The following KYNU variants were observed in gnomAD, a reference collection of about 807,000 sequenced individuals.
KYNU encodes the protein L-kynurenine hydrolase.
KYNU carries 54 observed loss-of-function variants against 59.2 expected under a neutral mutation model. The ratio of observed to expected loss-of-function variants is 0.91; its 90% CI spans 0.73 to 1.14. KYNU has a LOEUF of 1.14. Ranked by LOEUF, KYNU falls within the 50% of genes most tolerant of loss-of-function variation. The pLI is 0.00. For synonymous variants in KYNU, 177 were observed against 192.0 expected (o/e 0.92, Z 0.65); for missense variants, 567 against 554.4 (o/e 1.02, Z -0.23).
rs1258696656 is a variant in KYNU, at chr2:143,042,188, C to T, written c.*16C>T. ...AAAAAATTAGCAGTGTTTTCTAGAA[C>T]AACTTAAGCAAATTATACTGAAAGC... On this transcript the variant is annotated 3_prime_UTR_variant, in exon 14 of 14. Transcript: ENST00000264170. 2 of 1,605,178 alleles carry T rather than the reference C, an allele frequency of 1.2e-6. No individual in the cohort carries two copies. The highest frequency in any genetic ancestry group is 1.7e-6 in the Non-Finnish European group (2 of 1,176,412).
intron 10 of KYNU, among the ~76,000 whole-genome samples, chr2:143,023,181 T>C (rs1448088131): frequency 6.6e-6 from 1 of 151,932 alleles, no homozygotes; most frequent in Non-Finnish European, 1.5e-5. Flanking sequence ...AAATCATTCT[T>C]ATAAAGGAAA....
chr2:142,878,126 A>C (rs1382454313), intron 1 of KYNU, among the ~76,000 whole-genome samples: 1 of 152,142 alleles, frequency 6.6e-6, no homozygotes, highest in African/African-American at 2.4e-5. Context: ...TGGTAACTTT[A>C]ATTGTCTTAT....
intron 11 of KYNU, among the ~76,000 whole-genome samples, chr2:143,032,011 C>G (rs1458286415): frequency 1.3e-5 from 2 of 152,068 alleles, no homozygotes; most frequent in East Asian, 3.9e-4. Flanking sequence ...GGCGTGGTGG[C>G]TCACGCCTGT....
intron 7 of KYNU, 22 bp downstream of exon 7, chr2:142,957,737 A>G (rs776957703): frequency 3.3e-5 from 47 of 1,412,714 alleles, no homozygotes; most frequent in Admixed American, 1.7e-5. Context: ...AGAAAGAAAT[A>G]TTTGTCATGC....
intron 2 of KYNU, among the ~76,000 whole-genome samples, chr2:142,905,342 G>A (rs1682255231): frequency 2.0e-5 from 3 of 152,182 alleles, no homozygotes; most frequent in South Asian, 4.1e-4. Flanking sequence ...ACAGACCAAC[G>A]ATTAGGGAAT....
At chr2:142,979,045 T>C (rs898632142) in intron 8 of KYNU, among the ~76,000 whole-genome samples, 3 of 152,096 alleles carry the variant, frequency 2.0e-5, no homozygotes, top group African/African-American at 7.2e-5. Flanking sequence ...TGAGCTAGCT[T>C]TTCTCCTGGA....
At chr2:142,940,898 C>T (rs1328097014) in intron 4 of KYNU, among the ~76,000 whole-genome samples, 1 of 152,164 alleles carries the variant, frequency 6.6e-6, no homozygotes, top group Non-Finnish European at 1.5e-5. Context: ...TTTCACTTTA[C>T]TTTATGTTTG....
chr2:143,002,333 G>C (rs965765448), intron 10 of KYNU, among the ~76,000 whole-genome samples: 10 of 152,120 alleles, frequency 6.6e-5, no homozygotes, highest in Non-Finnish European at 1.0e-4. Flanking sequence ...CCAATGTCTT[G>C]ACCACAGTTA....
intron 6 of KYNU, 52 bp downstream of exon 6, chr2:142,956,326 GT>G: frequency 8.5e-7 from 1 of 1,169,656 alleles, no homozygotes; most frequent in East Asian, 2.4e-5. Flanking sequence ...TCCTAGAGCA[GT>G]GTATCATTTG....
intron 10 of KYNU, among the ~76,000 whole-genome samples, chr2:143,026,136 A>G (rs1686547031): frequency 6.6e-6 from 1 of 152,218 alleles, no homozygotes; most frequent in Non-Finnish European, 1.5e-5. Context: ...CATTTTGGCC[A>G]TAGTTAAATA....
intron 4 of KYNU, among the ~76,000 whole-genome samples, chr2:142,946,069 GTATTTTGTTTTT>G (rs1449072467): frequency 4.0e-5 from 6 of 151,452 alleles, no homozygotes; most frequent in African/African-American, 4.9e-5. Context: ...TTTAATTTTT[GTATTTTGTTTTT>G]TATTTTTATT....
intron 7 of KYNU, among the ~76,000 whole-genome samples, chr2:142,959,641 T>C (rs1684274669): frequency 6.6e-6 from 1 of 151,932 alleles, no homozygotes; most frequent in African/African-American, 2.4e-5. Context: ...AGGATACACA[T>C]AGGTACTTTG....
rs146928330 is a variant in KYNU at position 143,036,296 on chromosome 2, A to G, written c.1041+2975A>G. On this transcript the variant is annotated intron_variant, in intron 12 of 13. Transcript: ENST00000264170. ...CATGAGAGTACACCGAACAAAGGAGACAGGGTCATTTATAACCTGACGTGT... is the reference window on the plus strand; with the variant it reads ...CATGAGAGTACACCGAACAAAGGAGGCAGGGTCATTTATAACCTGACGTGT... Among the ~76,000 whole-genome samples, 13 of 152,248 alleles carry G rather than the reference A, an allele frequency of 8.5e-5. No individual in the cohort carries two copies. The South Asian group carries it at 1.7e-3, about 19-fold the overall frequency.
At chr2:142,912,703 C>CTTTTTTTTTTTTTTTTTTT (rs1163302368) in intron 2 of KYNU, among the ~76,000 whole-genome samples, 5 of 71,836 alleles carry the variant, frequency 7.0e-5, no homozygotes, top group Non-Finnish European at 1.2e-4. Flanking sequence ...TTCTTTCTTC[C>CTTTTTTTTTTTTTTTTTTT]TTTTTTTTTT....
chr2:142,959,638 A>G (rs1684274439), intron 7 of KYNU, among the ~76,000 whole-genome samples: 1 of 152,170 alleles, frequency 6.6e-6, no homozygotes, highest in Non-Finnish European at 1.5e-5. Context: ...TACAGGATAC[A>G]CATAGGTACT....
At chr2:142,955,902 T>A (rs1370342448) in intron 5 of KYNU, among the ~76,000 whole-genome samples, 1 of 152,132 alleles carries the variant, frequency 6.6e-6, no homozygotes, top group African/African-American at 2.4e-5. Context: ...TTGTTGTTAA[T>A]CATCAGACTT....
chr2:143,006,763 G>A (rs2105194737), intron 10 of KYNU, among the ~76,000 whole-genome samples: 1 of 151,930 alleles, frequency 6.6e-6, no homozygotes, highest in East Asian at 1.9e-4. Context: ...CCCCCGAGCA[G>A]CCTAACTGGG....
chr2:142,997,849 G>C (rs1416634089), intron 10 of KYNU, among the ~76,000 whole-genome samples: 2 of 152,106 alleles, frequency 1.3e-5, no homozygotes, highest in Non-Finnish European at 2.9e-5. Context: ...TTAAAGACTT[G>C]CTGAAGAGAT....
chr2:142,988,104 G>A (rs1430052275), intron 10 of KYNU, among the ~76,000 whole-genome samples: 3 of 151,530 alleles, frequency 2.0e-5, no homozygotes, highest in African/African-American at 4.9e-5. Context: ...TGAGAGAATG[G>A]ACTAATACAG....
Sources: allele counts gnomAD v4.1 joint callset (sites outside exome capture counted in the v4.1 genomes callset), GRCh38; gene constraint gnomAD v4.1.1; transcripts MANE v1.5; gene names NCBI Gene and HGNC (gene_info 2026-07-23, HGNC 2026-07-21).